NRXN1: variants seen among roughly 807,000 people sequenced by gnomAD.
The protein encoded by NRXN1 is neurexin 1.
Under a neutral mutation model 150.9 loss-of-function variants are expected in NRXN1, and 39 were observed. That is an observed-to-expected ratio of 0.26 (90% confidence interval 0.20 to 0.34). The LOEUF (loss-of-function observed/expected upper bound fraction) is 0.34. Among genes scored for constraint, NRXN1 ranks in the 10% least tolerant of loss-of-function variants. The pLI, the probability that NRXN1 is intolerant of heterozygous loss-of-function variation, is 1.00. For synonymous variants in NRXN1, 924 were observed against 757.0 expected (o/e 1.22, Z -3.62); for missense variants, 1,815 against 1,949.9 (o/e 0.93, Z 1.30).
intron 17 of NRXN1, among the ~76,000 whole-genome samples, chr2:50,352,777 ATT>A (rs1491092139): frequency 0.098 from 5,491 of 56,046 alleles, 180 homozygotes; most frequent in African/African-American, 0.22. Flanking sequence ...TAATAATAAT[ATT>A]ATAATAATAA....
chr2:50,789,396 C>T (rs1013835716), intron 5 of NRXN1, among the ~76,000 whole-genome samples: 38 of 152,186 alleles, frequency 2.5e-4, no homozygotes, highest in African/African-American at 8.9e-4. Context: ...TCTATTCAAT[C>T]TCAGCTACAG....
chr2:50,977,773 C>T (rs1273162422), intron 2 of NRXN1, among the ~76,000 whole-genome samples: 1 of 151,776 alleles, frequency 6.6e-6, no homozygotes, highest in Non-Finnish European at 1.5e-5. Flanking sequence ...TAACTCACAT[C>T]ACTTCATAAA....
intron 17 of NRXN1, among the ~76,000 whole-genome samples, chr2:50,256,366 A>G (rs2152905257): frequency 6.6e-6 from 1 of 152,256 alleles, no homozygotes; most frequent in Middle Eastern, 3.4e-3. Flanking sequence ...TCATTTTCTA[A>G]CCGCTGTTTG....
chr2:50,534,787 T>A (rs1248623688), intron 10 of NRXN1, among the ~76,000 whole-genome samples: 1 of 152,196 alleles, frequency 6.6e-6, no homozygotes, highest in Non-Finnish European at 1.5e-5. Flanking sequence ...ATAATCACAT[T>A]TTTGAAATAA....
At chr2:50,970,704 T>A (rs1275085658) in intron 2 of NRXN1, among the ~76,000 whole-genome samples, 1 of 152,092 alleles carries the variant, frequency 6.6e-6, no homozygotes, top group Non-Finnish European at 1.5e-5. Context: ...CTTACAGATT[T>A]TGAAAAAGTT....
At chr2:50,438,950 T>C (rs1203589842) in intron 17 of NRXN1, among the ~76,000 whole-genome samples, 1 of 152,228 alleles carries the variant, frequency 6.6e-6, no homozygotes, top group East Asian at 1.9e-4. Flanking sequence ...GCTATTTCTA[T>C]AGTCACTATG....
intron 2 of NRXN1, among the ~76,000 whole-genome samples, chr2:50,960,081 TC>T (rs1028420090): frequency 6.6e-6 from 1 of 152,024 alleles, no homozygotes; most frequent in Non-Finnish European, 1.5e-5. Flanking sequence ...ATTTTTTTTT[TC>T]ATGTCATGTT....
intron 5 of NRXN1, among the ~76,000 whole-genome samples, chr2:50,660,340 A>G (rs1687108875): frequency 6.6e-6 from 1 of 152,028 alleles, no homozygotes; most frequent in Non-Finnish European, 1.5e-5. Context: ...TAGGCTCTTA[A>G]CAACACCCTA....
chr2:50,931,156 C>T (rs550099643), intron 2 of NRXN1, among the ~76,000 whole-genome samples: 1 of 152,106 alleles, frequency 6.6e-6, no homozygotes, highest in East Asian at 1.9e-4. Context: ...AGGTGAACTC[C>T]CACTAATAAG....
At chr2:50,265,965 GTTATTA>G (rs757745541) in intron 17 of NRXN1, among the ~76,000 whole-genome samples, 1,688 of 132,296 alleles carry the variant, frequency 0.013, 24 homozygotes, top group African/African-American at 0.023. Context: ...TTATTTCTTT[GTTATTA>G]TTATTATTAT....
At chr2:50,093,831 GC>G (rs1367744234) in intron 18 of NRXN1, among the ~76,000 whole-genome samples, 1 of 152,032 alleles carries the variant, frequency 6.6e-6, no homozygotes, top group African/African-American at 2.4e-5. Context: ...AAGCAATTTG[GC>G]TAAGGTCGCA....
At chr2:50,213,030 T>C (rs1240704843) in intron 18 of NRXN1, among the ~76,000 whole-genome samples, 1 of 151,896 alleles carries the variant, frequency 6.6e-6, no homozygotes, top group Non-Finnish European at 1.5e-5. Flanking sequence ...TAAGATGTGT[T>C]CTGTCTTTAT....
chr2:50,384,451 A>G (rs959650263), intron 17 of NRXN1, among the ~76,000 whole-genome samples: 3 of 142,106 alleles, frequency 2.1e-5, no homozygotes, highest in Admixed American at 7.4e-5. Context: ...GGTTGCAGTG[A>G]GCCAGGATCA....
At chr2:50,833,995 C>T (rs1258106474) in intron 5 of NRXN1, among the ~76,000 whole-genome samples, 2 of 151,838 alleles carry the variant, frequency 1.3e-5, no homozygotes, top group Non-Finnish European at 2.9e-5. Flanking sequence ...AGAAATTGAA[C>T]TTTTTTGCCA....
chr2:50,864,254 AG>A (rs1379166964), intron 5 of NRXN1, among the ~76,000 whole-genome samples: 1 of 152,032 alleles, frequency 6.6e-6, no homozygotes, highest in Non-Finnish European at 1.5e-5. Context: ...CTAGGTATAC[AG>A]TGGTAAGCAA....
intron 9 of NRXN1, among the ~76,000 whole-genome samples, chr2:50,545,149 C>G (rs946776003): frequency 6.6e-6 from 1 of 152,022 alleles, no homozygotes; most frequent in Non-Finnish European, 1.5e-5. Flanking sequence ...TAAGGGGAAA[C>G]GCTTCACTTA....
intron 5 of NRXN1, among the ~76,000 whole-genome samples, chr2:50,698,076 A>C (rs1424328142): frequency 6.6e-6 from 1 of 152,190 alleles, no homozygotes; most frequent in Non-Finnish European, 1.5e-5. Context: ...TAGTTGTTTC[A>C]CTTTAGAATC....
chr2:50,420,947 C>T (rs374350830), intron 17 of NRXN1, among the ~76,000 whole-genome samples: 1 of 148,732 alleles, frequency 6.7e-6, no homozygotes. Flanking sequence ...CCTGGTCACC[C>T]TAGTCAAAAT....
intron 18 of NRXN1, among the ~76,000 whole-genome samples, chr2:50,118,806 C>A (rs570337209): frequency 1.3e-5 from 2 of 152,104 alleles, no homozygotes; most frequent in African/African-American, 2.4e-5. Flanking sequence ...GTGACATAGT[C>A]TAGGACAGAT....
Sources: allele counts gnomAD v4.1 joint callset (sites outside exome capture counted in the v4.1 genomes callset), GRCh38; gene constraint gnomAD v4.1.1; transcripts MANE v1.5; gene names NCBI Gene and HGNC (gene_info 2026-07-23, HGNC 2026-07-21).